Variants in CMYA5 observed in about 807,000 individuals in gnomAD.
CMYA5 encodes cardiomyopathy associated 5.
Under a neutral mutation model 318.9 loss-of-function variants are expected in CMYA5, and 246 were observed. The ratio of observed to expected loss-of-function variants is 0.77; its 90% CI spans 0.70 to 0.86. CMYA5 has a LOEUF of 0.86. Ranked by LOEUF, CMYA5 falls within the 40% of genes least tolerant of loss-of-function variation. CMYA5 has a pLI of 0.00. For missense variants in CMYA5, 4,589 were observed against 4,678.2 expected, an observed-to-expected ratio of 0.98 and a Z score of 0.56; for synonymous variants, 1,641 against 1,729.5, an observed-to-expected ratio of 0.95 and a Z score of 1.27.
intron 7 of CMYA5, among the ~76,000 whole-genome samples, 197 bp downstream of exon 7, chr5:79,759,099 CA>C (rs1262848625): frequency 1.3e-5 from 2 of 152,042 alleles, no homozygotes; most frequent in Non-Finnish European, 1.5e-5. Flanking sequence ...TCAGGGAAAA[CA>C]AAATGGCATA....
At chr5:79,786,257 C>T (rs1263380352) in intron 9 of CMYA5, among the ~76,000 whole-genome samples, 2 of 152,248 alleles carry the variant, frequency 1.3e-5, no homozygotes. Flanking sequence ...CTGCGCTGCT[C>T]ACTGCCCTCA....
chr5:79,697,471 A>C (rs1008368106), intron 1 of CMYA5, among the ~76,000 whole-genome samples: 1 of 152,260 alleles, frequency 6.6e-6, no homozygotes, highest in Admixed American at 6.5e-5. Flanking sequence ...CTGATGAGTG[A>C]ACAGAGGCCC....
At chr5:79,757,957 C>T (rs1020980469) in intron 6 of CMYA5, among the ~76,000 whole-genome samples, 5 of 152,298 alleles carry the variant, frequency 3.3e-5, no homozygotes, top group Middle Eastern at 3.4e-3. Context: ...CAGCTGGGCG[C>T]GGTGGCTCAC....
At chr5:79,707,501 C>A (rs1827296564) in intron 1 of CMYA5, among the ~76,000 whole-genome samples, 1 of 152,072 alleles carries the variant, frequency 6.6e-6, no homozygotes, top group African/African-American at 2.4e-5. Context: ...CAGAGGTAAT[C>A]ATTATTAAAG....
At chr5:79,778,215 G>C (rs1334736212) in intron 9 of CMYA5, 1 of 152,192 alleles carries the variant, frequency 6.6e-6, no homozygotes, top group Admixed American at 6.5e-5. Flanking sequence ...CAATGCTGCA[G>C]TAATAAACCT....
At chr5:79,742,579 A>G (rs1487620834) in intron 2 of CMYA5, among the ~76,000 whole-genome samples, 1 of 152,228 alleles carries the variant, frequency 6.6e-6, no homozygotes, top group Non-Finnish European at 1.5e-5. Context: ...TGCCTGTTCC[A>G]GGAGCCAATG....
intron 1 of CMYA5, among the ~76,000 whole-genome samples, chr5:79,697,940 T>C (rs577627449): frequency 6.6e-6 from 1 of 152,312 alleles, no homozygotes; most frequent in Non-Finnish European, 1.5e-5. Flanking sequence ...GAGTAGGTCT[T>C]ATGTTTAAAA....
At chr5:79,777,412 T>G (rs1279178846) in intron 9 of CMYA5, among the ~76,000 whole-genome samples, 1 of 152,190 alleles carries the variant, frequency 6.6e-6, no homozygotes, top group African/African-American at 2.4e-5. Context: ...CACTTTGCTT[T>G]CCTTGCTTAA....
intron 5 of CMYA5, among the ~76,000 whole-genome samples, chr5:79,751,683 A>AT (rs1389437023): frequency 6.6e-6 from 1 of 152,236 alleles, no homozygotes; most frequent in Non-Finnish European, 1.5e-5. Flanking sequence ...GTGCCAAGTA[A>AT]TGCATTAGAA....
In CMYA5 at chr5:79,732,031, A is replaced by G; in HGVS notation, c.3266A>G (p.Lys1089Arg). Residue 1089 changes from lysine to arginine, a missense_variant, in exon 2 of 13, where the codon AAA (lysine) becomes AGA (arginine). By Grantham distance (26) the Lys-to-Arg change is conservative. Around this residue, in one of 3 missense-constraint regions of CMYA5, gnomAD observed 2,132 missense variants for 2,131.3 expected, o/e 1.00. Coordinates refer to ENST00000446378, the MANE Select transcript of CMYA5 (RefSeq NM_153610.5). ...CCGCCTTCAACAGATAAATCAGAGA[A>G]AGCAGAAATTAAGCCAGAGATTCCA... ...SLPPSTDKSE[K>R]AEIKPEIPTT... The G allele has an allele frequency of 6.2e-7, 1 of 1,613,930 alleles. No individual in the cohort carries two copies. Among genetic ancestry groups the G allele is most frequent in the East Asian group, 2.2e-5 (1 of 44,876 alleles).
chr5:79,745,072 G>T (rs146811308), intron 3 of CMYA5, 150 bp from the exon 4 acceptor site: 4 of 594,294 alleles, frequency 6.7e-6, no homozygotes, highest in Admixed American at 6.2e-5. Flanking sequence ...GGATTGGTAG[G>T]TTAGAAATTT....
At chr5:79,725,378 T>C (rs1024985418) in intron 1 of CMYA5, among the ~76,000 whole-genome samples, 1 of 152,074 alleles carries the variant, frequency 6.6e-6, no homozygotes, top group African/African-American at 2.4e-5. Flanking sequence ...AAACTAAATA[T>C]CACATGTTCT....
rs117344565 is a variant in CMYA5, at chr5:79,798,329, C to T, written c.11964-1041C>T. 1.2e-3 allele frequency among the ~76,000 whole-genome samples: 182 copies of T among 152,264 alleles called. 3 individuals are homozygous for T. In the East Asian group the frequency reaches 0.028, roughly 23 times the overall value. ...GCTGTGCTCCCACCCCTCCAGCCTACACATCCGTCGACCTTTCCCTCATCT... is the reference window on the plus strand; with the variant it reads ...GCTGTGCTCCCACCCCTCCAGCCTATACATCCGTCGACCTTTCCCTCATCT... On this transcript the variant is annotated intron_variant, in intron 12 of 12. Transcript: ENST00000446378.
chr5:79,717,694 C>A (rs1411587835), intron 1 of CMYA5, among the ~76,000 whole-genome samples: 1 of 152,066 alleles, frequency 6.6e-6, no homozygotes, highest in African/African-American at 2.4e-5. Context: ...TTCTAAAGTA[C>A]CTGATCATTG....
At chr5:79,768,321 T>C (rs1350363114) in intron 9 of CMYA5, among the ~76,000 whole-genome samples, 1 of 152,210 alleles carries the variant, frequency 6.6e-6, no homozygotes, top group African/African-American at 2.4e-5. Context: ...TATTGTTTTA[T>C]GTGAATTTGA....
At position 79,734,965 on chromosome 5, in the gene CMYA5, C is replaced by T. The variant is rs1828019037; in HGVS notation, c.6200C>T (p.Ser2067Phe). ...VEQVKSETIS[S>F]SVKTAHFPAE... ...CAGGTGAAGTCAGAAACAATCTCCTCTTCTGTCAAAACAGCCCATTTCCCG... is the reference window on the plus strand; with the variant it reads ...CAGGTGAAGTCAGAAACAATCTCCTTTTCTGTCAAAACAGCCCATTTCCCG... Residue 2067 changes from serine to phenylalanine, a missense_variant, in exon 2 of 13, where the codon TCT becomes TTT. Coordinates refer to ENST00000446378, the MANE Select transcript of CMYA5 (RefSeq NM_153610.5). 4.3e-6 allele frequency: 7 copies of T among 1,613,694 alleles called. No homozygotes were observed. The highest frequency in any genetic ancestry group is 5.9e-6 in the Non-Finnish European group (7 of 1,179,814).
intron 9 of CMYA5, among the ~76,000 whole-genome samples, chr5:79,773,069 TAA>T (rs777917303): frequency 2.0e-5 from 3 of 152,226 alleles, no homozygotes; most frequent in Admixed American, 6.5e-5. Context: ...CAGCAATGGA[TAA>T]AGTTACTTGG....
chr5:79,735,385 G>A lies in CMYA5; in HGVS notation c.6620G>A (p.Ser2207Asn), dbSNP rs1301896264. 1.2e-6 allele frequency: 2 copies of A among 1,613,748 alleles called. No homozygotes were observed. Among genetic ancestry groups the A allele is most frequent in the African/African-American group, 2.7e-5 (2 of 74,914 alleles). ...AEQEDLETQP[S>N]PSVEKAVTVI... is the part of the protein sequence containing the mutation. ...CAAGAAGACTTAGAAACACAGCCAA[G>A]TCCATCCGTAGAAAAAGCAGTGACT... Residue 2207 changes from serine to asparagine, a missense_variant, in exon 2 of 13, where the codon AGT becomes AAT. Physicochemically the swap from Ser to Asn is conservative, Grantham distance 46. This residue lies in a region of CMYA5 where 2,431 missense variants were observed against 2,495.1 expected (regional missense o/e 0.97). Coordinates refer to ENST00000446378, the MANE Select transcript of CMYA5 (RefSeq NM_153610.5).
chr5:79,734,034 C>T lies in CMYA5; in HGVS notation c.5269C>T (p.His1757Tyr), dbSNP rs1827988223. 1.2e-6 allele frequency: 2 copies of T among 1,613,804 alleles called. No individual in the cohort carries two copies. The highest frequency in any genetic ancestry group is 1.3e-5 in the African/African-American group (1 of 75,028). ...AAAAGGATTATCAGAGGAGGTTAGC[C>T]ATCCAGCCGACTTTAAAAAGGGAGG... is the stretch of plus-strand genomic sequence containing the variant. The part of the protein sequence containing the change: ...SLKGLSEEVS[H>Y]PADFKKGGNQ... The change falls in exon 2 of 13, where the codon CAT (histidine) becomes TAT (tyrosine). Residue 1757 changes from histidine to tyrosine, a missense_variant. Around this residue, in one of 3 missense-constraint regions of CMYA5, gnomAD observed 2,132 missense variants for 2,131.3 expected, o/e 1.00. Coordinates refer to ENST00000446378, the MANE Select transcript of CMYA5 (RefSeq NM_153610.5).
Sources: gnomAD v4.1 joint callset for allele counts (sites outside exome capture counted in the v4.1 genomes callset) on GRCh38, gnomAD v4.1.1 for gene constraint, gnomAD v4.1.1 regional missense constraint, MANE v1.5 for transcripts, NCBI Gene and HGNC (gene_info 2026-07-23, HGNC 2026-07-21) for gene names.